Variants in COMMD10 observed in about 807,000 individuals in gnomAD.
COMMD10 encodes the protein COMM domain containing 10, also known as COMM domain-containing protein 10.
A neutral mutation model predicts 28.9 loss-of-function variants in COMMD10; 33 were observed. The ratio of observed to expected loss-of-function variants is 1.14; its 90% CI spans 0.87 to 1.53. The LOEUF (loss-of-function observed/expected upper bound fraction) is 1.53, where lower values mean the gene tolerates loss of function less well. COMMD10 is among the 40% of genes most tolerant of loss of function. COMMD10 has a pLI of 0.00. For missense variants in COMMD10, 310 were observed against 233.4 expected (o/e 1.33, Z -2.14); for synonymous variants, 110 against 81.7 (o/e 1.35, Z -1.87).
Position 116,168,882 on chromosome 5 carries a change from G to A in COMMD10, c.510+34704G>A, listed in dbSNP as rs536882434. Among the ~76,000 whole-genome samples the A allele has an allele frequency of 3.3e-5, 5 of 152,302 alleles. No homozygotes were observed. In the East Asian group the frequency reaches 9.6e-4, roughly 29 times the overall value. ...ACTGCCCACAGGAGAAAGCGGGAAA[G>A]ATCTAAAATTGACACCTTACCATCA... On this transcript the variant is annotated intron_variant, in intron 5 of 6. Transcript: ENST00000274458.
intron 5 of COMMD10, among the ~76,000 whole-genome samples, chr5:116,165,848 A>T (rs1373127529): frequency 1.3e-5 from 2 of 152,154 alleles, no homozygotes; most frequent in African/African-American, 4.8e-5. Flanking sequence ...CTCCAAATGC[A>T]ACTACACTGC....
rs527883665 is a variant in COMMD10, at chr5:116,272,223, C to G, written c.511-19294C>G. 4.0e-5 allele frequency among the ~76,000 whole-genome samples: 6 copies of G among 151,732 alleles called. No individual in the cohort carries two copies. The South Asian group carries it at 8.3e-4, about 21-fold the overall frequency. ...GTCAGTGCAGTCTTTTTGTACCTTA[C>G]TAACTGAAAAAAATGGGTATTCTTT... On this transcript the variant is annotated intron_variant, in intron 5 of 6. Transcript: ENST00000274458.
At chr5:116,175,682 T>C (rs1211317549) in intron 5 of COMMD10, among the ~76,000 whole-genome samples, 1 of 152,132 alleles carries the variant, frequency 6.6e-6, no homozygotes, top group African/African-American at 2.4e-5. Context: ...AACGGGATAT[T>C]ATTCGGTCAT....
chr5:116,099,992 C>G (rs1330056494), intron 4 of COMMD10, among the ~76,000 whole-genome samples: 1 of 152,080 alleles, frequency 6.6e-6, no homozygotes, highest in Admixed American at 6.5e-5. Flanking sequence ...GTAAGCAAGT[C>G]TAAACACTGA....
intron 5 of COMMD10, among the ~76,000 whole-genome samples, chr5:116,162,786 C>T (rs956103894): frequency 3.9e-5 from 6 of 152,172 alleles, no homozygotes; most frequent in Admixed American, 3.9e-4. Flanking sequence ...TGGTAAATGT[C>T]TCCATCAGTG....
chr5:116,110,379 A>G (rs1008034696), intron 4 of COMMD10, among the ~76,000 whole-genome samples: 8 of 152,242 alleles, frequency 5.3e-5, no homozygotes, highest in African/African-American at 1.9e-4. Flanking sequence ...ATGATACTGG[A>G]GAATGAGTTA....
chr5:116,212,249 G>T (rs1309535876), intron 5 of COMMD10, among the ~76,000 whole-genome samples: 1 of 152,104 alleles, frequency 6.6e-6, no homozygotes, highest in Non-Finnish European at 1.5e-5. Context: ...TACAGTCACA[G>T]CTACAATTTG....
At chr5:116,144,397 T>C (rs79011432) in intron 5 of COMMD10, among the ~76,000 whole-genome samples, 1 of 151,784 alleles carries the variant, frequency 6.6e-6, no homozygotes, top group Non-Finnish European at 1.5e-5. Context: ...TAGGTGCTAG[T>C]ATTTTCCTAT....
chr5:116,109,015 G>T (rs756911611), intron 4 of COMMD10, among the ~76,000 whole-genome samples: 2 of 152,220 alleles, frequency 1.3e-5, no homozygotes, highest in South Asian at 4.1e-4. Flanking sequence ...CTCACCATCC[G>T]TGGGCTGCAT....
chr5:116,249,697 T>C (rs540345550), intron 5 of COMMD10, among the ~76,000 whole-genome samples: 5 of 151,838 alleles, frequency 3.3e-5, no homozygotes, highest in African/African-American at 1.2e-4. Flanking sequence ...GTTTATAAAA[T>C]GGTTTTCTCT....
intron 5 of COMMD10, among the ~76,000 whole-genome samples, chr5:116,259,277 G>A (rs1465317200): frequency 6.6e-6 from 1 of 150,994 alleles, no homozygotes; most frequent in Non-Finnish European, 1.5e-5. Flanking sequence ...TGGCCAGGCT[G>A]GTCTTAAAGG....
chr5:116,136,201 C>G (rs17138925), intron 5 of COMMD10, among the ~76,000 whole-genome samples: 3,914 of 152,096 alleles, frequency 0.026, 100 homozygotes, highest in East Asian at 0.14. Context: ...TTATATTTTT[C>G]ACATGTATCC....
intron 4 of COMMD10, among the ~76,000 whole-genome samples, chr5:116,101,280 A>G (rs571359823): frequency 3.9e-5 from 6 of 152,228 alleles, no homozygotes; most frequent in African/African-American, 9.6e-5. Context: ...GCTAGATTGA[A>G]TGTTAGTTCT....
At position 116,288,927 on chromosome 5, in the gene COMMD10, G is replaced by A. The variant is rs1225222095; in HGVS notation, c.511-2590G>A. 7.8e-5 allele frequency among the ~76,000 whole-genome samples: 11 copies of A among 141,136 alleles called. 1 individual carries two copies. In the Admixed American group the frequency reaches 8.1e-4, roughly 10 times the overall value. The allele number at this position is 141,136 out of a possible 152,430, so 92.6% of individuals were successfully genotyped here. On this transcript the variant is annotated intron_variant, in intron 5 of 6. Transcript: ENST00000274458. ...GAGACAGTCTCACTTTACCACCCAG[G>A]CTGGAGTGCAGTGGCATAATCTTGG...
At chr5:116,233,368 G>A (rs1225029569) in intron 5 of COMMD10, among the ~76,000 whole-genome samples, 2 of 151,876 alleles carry the variant, frequency 1.3e-5, no homozygotes, top group Non-Finnish European at 2.9e-5. Context: ...TATATATAAG[G>A]GTCAGTGCTA....
chr5:116,122,893 T>A (rs1038451640), intron 4 of COMMD10, among the ~76,000 whole-genome samples: 4 of 152,174 alleles, frequency 2.6e-5, no homozygotes, highest in African/African-American at 9.7e-5. Context: ...ACGATGGGGT[T>A]TTCTAAATAT....
At chr5:116,172,196 A>G (rs13162293) in intron 5 of COMMD10, among the ~76,000 whole-genome samples, 75,210 of 151,928 alleles carry the variant, frequency 0.5, 21,915 homozygotes, top group Non-Finnish European at 0.65. Context: ...ACCAGCTGCT[A>G]TTTTTATGGC....
intron 2 of COMMD10, among the ~76,000 whole-genome samples, chr5:116,088,549 C>T (rs1394466162): frequency 2.0e-5 from 3 of 152,162 alleles, no homozygotes; most frequent in East Asian, 1.9e-4. Context: ...CTTAACATTG[C>T]GTACAAGTCC....
intron 4 of COMMD10, among the ~76,000 whole-genome samples, chr5:116,115,551 T>C (rs1487258885): frequency 6.6e-6 from 1 of 152,226 alleles, no homozygotes; most frequent in African/African-American, 2.4e-5. Flanking sequence ...CTGTGTTGAC[T>C]GTTAGCAGTG....
Sources: allele counts gnomAD v4.1 joint callset (sites outside exome capture counted in the v4.1 genomes callset), GRCh38; gene constraint gnomAD v4.1.1; transcripts MANE v1.5; gene names NCBI Gene and HGNC (gene_info 2026-07-23, HGNC 2026-07-21).